Variants in COL9A1 observed in about 807,000 individuals in gnomAD.
The protein encoded by COL9A1 is collagen alpha-1(IX) chain.
Under a neutral mutation model 142.6 loss-of-function variants are expected in COL9A1, and 104 were observed. The observed-to-expected ratio is 0.73, with a 90% CI of 0.62 to 0.86. The LOEUF (loss-of-function observed/expected upper bound fraction) is 0.86. COL9A1 is among the 40% of genes least tolerant of loss of function. The pLI, the probability that COL9A1 is intolerant of heterozygous loss-of-function variation, is 0.00. For missense variants in COL9A1, 1,210 were observed against 1,176.6 expected, an observed-to-expected ratio of 1.03 and a Z score of -0.42; for synonymous variants, 466 against 396.0, an observed-to-expected ratio of 1.18 and a Z score of -2.10.
At chr6:70,301,979 G>C in intron 2 of COL9A1, 22 bp downstream of exon 2, 1 of 1,589,282 alleles carries the variant, frequency 6.3e-7, no homozygotes, top group African/African-American at 1.3e-5. Context: ...ATCTTTGAAA[G>C]TCTAGAAACT....
chr6:70,258,607 T>C (rs1156526838), intron 20 of COL9A1: 1 of 152,252 alleles, frequency 6.6e-6, no homozygotes, highest in Non-Finnish European at 1.5e-5. Context: ...TCACCTTGCA[T>C]TACAAGAGCA....
chr6:70,285,598 T>C (rs543449969), intron 5 of COL9A1, among the ~76,000 whole-genome samples: 1 of 152,368 alleles, frequency 6.6e-6, no homozygotes, highest in African/African-American at 2.4e-5. Context: ...AGTCAACATT[T>C]GTGATGTCCC....
At chr6:70,238,599 T>C (rs1026902739) in intron 33 of COL9A1, among the ~76,000 whole-genome samples, 3 of 152,240 alleles carry the variant, frequency 2.0e-5, no homozygotes, top group Admixed American at 1.3e-4. Context: ...AATTTAGTTA[T>C]ACTGTTGACA....
intron 36 of COL9A1, among the ~76,000 whole-genome samples, chr6:70,228,824 A>T (rs1308342989): frequency 6.6e-6 from 1 of 152,136 alleles, no homozygotes; most frequent in South Asian, 2.1e-4. Flanking sequence ...TTTTTTTAAC[A>T]TTCATCATCA....
intron 35 of COL9A1, among the ~76,000 whole-genome samples, chr6:70,233,051 A>G (rs1426146193): frequency 6.6e-6 from 1 of 152,174 alleles, no homozygotes; most frequent in African/African-American, 2.4e-5. Flanking sequence ...GGGATTCACA[A>G]AAATCTTAAA....
intron 30 of COL9A1, 53 bp from the exon 31 acceptor site, chr6:70,241,507 T>C: frequency 1.3e-6 from 2 of 1,486,632 alleles, no homozygotes; most frequent in Non-Finnish European, 9.4e-7. Flanking sequence ...GTTTATATAA[T>C]TTCAAGTGAA....
chr6:70,247,351 AT>A (rs915057476), intron 28 of COL9A1, among the ~76,000 whole-genome samples: 17 of 152,356 alleles, frequency 1.1e-4, no homozygotes, highest in African/African-American at 4.1e-4. Flanking sequence ...ATCACAAAAA[AT>A]AACAGATTTA....
chr6:70,242,862 T>C, intron 28 of COL9A1, 147 bp from the exon 29 acceptor site: 2 of 736,142 alleles, frequency 2.7e-6, no homozygotes, highest in Non-Finnish European at 4.9e-6. Context: ...GCATCCTGTG[T>C]TCATCTTGCA....
At chr6:70,294,739 A>G (rs1025081953) in intron 4 of COL9A1, among the ~76,000 whole-genome samples, 176 bp from the exon 5 acceptor site, 1 of 152,184 alleles carries the variant, frequency 6.6e-6, no homozygotes, top group Non-Finnish European at 1.5e-5. Flanking sequence ...CAGAAGTTCA[A>G]TCATTCCTGT....
At chr6:70,258,684 G>T (rs193126849) in intron 20 of COL9A1, 1 of 152,158 alleles carries the variant, frequency 6.6e-6, no homozygotes, top group African/African-American at 2.4e-5. Flanking sequence ...TTGCTGTTCA[G>T]CATGAGCTTA....
chr6:70,218,592 G>A (rs998893721), intron 37 of COL9A1, among the ~76,000 whole-genome samples: 5 of 152,132 alleles, frequency 3.3e-5, no homozygotes, highest in Non-Finnish European at 7.4e-5. Flanking sequence ...CAAAAAGCCG[G>A]AAGCCAAATC....
intron 28 of COL9A1, among the ~76,000 whole-genome samples, chr6:70,250,021 G>A (rs1479278063): frequency 6.6e-6 from 1 of 152,170 alleles, no homozygotes; most frequent in Non-Finnish European, 1.5e-5. Flanking sequence ...AGCACTTTGG[G>A]AGGCCAAAAA....
chr6:70,302,390 A>C (rs9446222), intron 1 of COL9A1, among the ~76,000 whole-genome samples: 9,624 of 151,690 alleles, frequency 0.063, 342 homozygotes, highest in Middle Eastern at 0.1. Flanking sequence ...TTCTATTTTT[A>C]GTGGAGACAG....
At position 70,303,044 on chromosome 6, in the gene COL9A1, C is replaced by T. The variant is rs1469983066; in HGVS notation, c.-120G>A. 1.8e-6 allele frequency: 2 copies of T among 1,095,058 alleles called. No individual in the cohort carries two copies. Among genetic ancestry groups the T allele is most frequent in the African/African-American group, 3.1e-5 (2 of 64,562 alleles). 67.8% of individuals were successfully genotyped at this position (1,095,058 alleles called of 1,614,324 possible). On this transcript the variant is annotated 5_prime_UTR_variant, in exon 1 of 38. Coordinates refer to ENST00000357250, the MANE Select transcript of COL9A1 (RefSeq NM_001851.6). ...TAGGACTATGTGTTCTGGGCCCAGC[C>T]TTGGTCCCTCCTGCCCCCGGTGAGG...
intron 28 of COL9A1, among the ~76,000 whole-genome samples, chr6:70,247,796 G>A (rs1770696435): frequency 6.6e-6 from 1 of 151,834 alleles, no homozygotes; most frequent in Non-Finnish European, 1.5e-5. Flanking sequence ...TCATACAGAG[G>A]CAGAAAAAAA....
chr6:70,271,862 T>G, intron 13 of COL9A1, 154 bp from the exon 14 acceptor site: 3 of 964,634 alleles, frequency 3.1e-6, no homozygotes, highest in Non-Finnish European at 4.7e-6. Context: ...TTTAATTACT[T>G]AAGATACAGC....
Position 70,281,433 on chromosome 6 carries a change from C to T in COL9A1, c.833G>A (p.Gly278Glu). 6.2e-7 allele frequency: 1 copy of T among 1,613,156 alleles called. No homozygotes were observed. The highest frequency in any genetic ancestry group is 8.5e-7 in the Non-Finnish European group (1 of 1,179,786). ...TGGAACTCCAGGGGGGCCCGGAGGC[C>T]CGGGAGGACCCTGCTCACCCGGGGG... The part of the protein sequence containing the change: ...RGPPGEQGPP[G>E]PPGPPGVPGI... The change falls in exon 8 of 38, where the codon GGG (glycine) becomes GAG (glutamate). Residue 278 changes from glycine (G) to glutamate (E), a missense_variant. Gly to Glu is a moderately conservative substitution (Grantham distance 98, BLOSUM62 -2). Coordinates refer to ENST00000357250, the MANE Select transcript of COL9A1 (RefSeq NM_001851.6).
chr6:70,257,604 G>C (rs34506690), intron 20 of COL9A1, among the ~76,000 whole-genome samples: 1 of 151,894 alleles, frequency 6.6e-6, no homozygotes, highest in African/African-American at 2.4e-5. Flanking sequence ...AAAATTAGCC[G>C]GGTCTGTTGG....
chr6:70,240,150 G>C (rs887956610), intron 32 of COL9A1, among the ~76,000 whole-genome samples: 1 of 152,170 alleles, frequency 6.6e-6, no homozygotes, highest in Non-Finnish European at 1.5e-5. Context: ...CAGCAGTGGA[G>C]AGAACTTGTT....
Sources: allele counts gnomAD v4.1 joint callset (sites outside exome capture counted in the v4.1 genomes callset), GRCh38; gene constraint gnomAD v4.1.1; transcripts MANE v1.5; gene names NCBI Gene and HGNC (gene_info 2026-07-23, HGNC 2026-07-21).